Variants in MARCO observed in about 807,000 individuals in gnomAD.
MARCO encodes the protein macrophage receptor with collagenous structure, also known as macrophage receptor MARCO.
Under a neutral mutation model 70.0 loss-of-function variants are expected in MARCO, and 72 were observed. That is an observed-to-expected ratio of 1.03 (90% CI 0.85 to 1.25). The LOEUF (loss-of-function observed/expected upper bound fraction) is 1.25, where lower values mean the gene tolerates loss of function less well. Ranked by LOEUF, MARCO falls within the 50% of genes most tolerant of loss-of-function variation. MARCO has a pLI of 0.00. For synonymous variants in MARCO, 273 were observed against 243.1 expected, an observed-to-expected ratio of 1.12 and a Z score of -1.14; for missense variants, 696 against 659.3, an observed-to-expected ratio of 1.06 and a Z score of -0.61.
At chr2:118,961,184 G>A (rs111453993) in intron 1 of MARCO, among the ~76,000 whole-genome samples, 2,530 of 152,240 alleles carry the variant, frequency 0.017, 65 homozygotes, top group African/African-American at 0.056. Flanking sequence ...ATTGTGAAGA[G>A]TGCTGCAATG....
At chr2:118,990,707 G>T in intron 13 of MARCO, 74 bp downstream of exon 13, 1 of 1,436,418 alleles carries the variant, frequency 7.0e-7, no homozygotes, top group African/African-American at 1.4e-5. Context: ...GGCAGGTCTT[G>T]TTGACATTGA....
chr2:118,979,557 CCT>C (rs1188836457), intron 8 of MARCO, among the ~76,000 whole-genome samples: 2 of 152,170 alleles, frequency 1.3e-5, no homozygotes, highest in African/African-American at 4.8e-5. Context: ...AGAGAAGGGG[CCT>C]CAGCCAGGTC....
chr2:118,976,021 C>A (rs1680276333), intron 6 of MARCO, among the ~76,000 whole-genome samples: 1 of 152,096 alleles, frequency 6.6e-6, no homozygotes, highest in African/African-American at 2.4e-5. Context: ...GAGAGGGACT[C>A]AGGCTAGGTG....
At position 118,990,624 on chromosome 2, in the gene MARCO, G is replaced by C; in HGVS notation, c.1099G>C (p.Gly367Arg). 1 of 1,564,842 alleles carries C rather than the reference G, an allele frequency of 6.4e-7. No homozygotes were observed. Among genetic ancestry groups the C allele is most frequent in the Non-Finnish European group, 8.7e-7 (1 of 1,148,032 alleles). Reference protein sequence around the residue: ...QGQQGRKGESGVPGPAGVKGE... With the variant: ...QGQQGRKGESRVPGPAGVKGE... ...ACAGCAAGGAAGAAAAGGAGAATCA[G>C]GAGTTCCAGGTAAAGGGCAGGCTGC... The change falls in exon 13 of 17, where the codon GGA becomes CGA. Residue 367 changes from glycine to arginine, a missense_variant. Coordinates refer to ENST00000327097, the MANE Select transcript of MARCO (RefSeq NM_006770.4).
At position 118,982,331 on chromosome 2, in the gene MARCO, T is replaced by A. The variant is rs1362687965; in HGVS notation, c.1001-17T>A. 6.8e-6 allele frequency: 11 copies of A among 1,613,686 alleles called. No individual in the cohort carries two copies. In the South Asian group the frequency reaches 1.2e-4, roughly 18 times the overall value. Reference sequence around the variant, plus strand: ...CCTAGTCCAGCCCTTATGCTCTCTGTGGTGTCTGTTGTCCAGGACTTCCAG... The same window carrying A: ...CCTAGTCCAGCCCTTATGCTCTCTGAGGTGTCTGTTGTCCAGGACTTCCAG... On this transcript the variant is annotated splice_polypyrimidine_tract_variant and intron_variant, in intron 11 of 16. Transcript: ENST00000327097.
At chr2:118,946,454 T>G (rs1482670472) in intron 1 of MARCO, among the ~76,000 whole-genome samples, 1 of 152,218 alleles carries the variant, frequency 6.6e-6, no homozygotes, top group Non-Finnish European at 1.5e-5. Context: ...TGATTTTTTT[T>G]TCACATAGTG....
In MARCO at chr2:118,986,523, G is replaced by A. The variant is rs576216731; in HGVS notation, c.1064-4066G>A. ...CAACAGAGTGAGACCCTGTCAAAAAGAAGAAAGAAAGAAAGAGAGAGAGAG... is the reference window on the plus strand; with the variant it reads ...CAACAGAGTGAGACCCTGTCAAAAAAAAGAAAGAAAGAAAGAGAGAGAGAG... On this transcript the variant is annotated intron_variant, in intron 12 of 16. Coordinates refer to ENST00000327097, the MANE Select transcript of MARCO (RefSeq NM_006770.4). 1.7e-3 allele frequency among the ~76,000 whole-genome samples: 182 copies of A among 107,508 alleles called. 3 individuals are homozygous for A. In the Middle Eastern group the frequency reaches 0.033, roughly 19 times the overall value. 70.5% of individuals were successfully genotyped at this position (107,508 alleles called of 152,430 possible).
chr2:118,958,041 A>G (rs1290428047), intron 1 of MARCO, among the ~76,000 whole-genome samples: 1 of 152,100 alleles, frequency 6.6e-6, no homozygotes, highest in Non-Finnish European at 1.5e-5. Flanking sequence ...CACAGACAAC[A>G]TAATACTGAA....
At chr2:118,967,797 T>C (rs1680080833) in intron 1 of MARCO, among the ~76,000 whole-genome samples, 1 of 152,090 alleles carries the variant, frequency 6.6e-6, no homozygotes, top group Non-Finnish European at 1.5e-5. Context: ...GTCACAATAG[T>C]TAAAACCCAC....
intron 1 of MARCO, among the ~76,000 whole-genome samples, chr2:118,958,642 G>C (rs1679882698): frequency 6.6e-6 from 1 of 151,888 alleles, no homozygotes; most frequent in South Asian, 2.1e-4. Flanking sequence ...TCTTCACAGA[G>C]TTAGAAAAAA....
intron 12 of MARCO, among the ~76,000 whole-genome samples, chr2:118,987,114 C>T (rs1372197259): frequency 2.6e-5 from 4 of 152,216 alleles, no homozygotes; most frequent in Non-Finnish European, 5.9e-5. Context: ...TAACTTAACA[C>T]ACATTTCTTG....
intron 12 of MARCO, among the ~76,000 whole-genome samples, chr2:118,984,318 C>A (rs1052597298): frequency 6.6e-6 from 1 of 152,206 alleles, no homozygotes; most frequent in Admixed American, 6.5e-5. Context: ...ACCCCACACC[C>A]ATTTTAGCAA....
intron 1 of MARCO, among the ~76,000 whole-genome samples, chr2:118,967,820 C>T (rs1680084376): frequency 6.6e-6 from 1 of 152,188 alleles, no homozygotes; most frequent in Non-Finnish European, 1.5e-5. Flanking sequence ...GCCCCTATCA[C>T]AAAAGCAAAC....
chr2:118,950,830 C>G (rs937151843), intron 1 of MARCO, among the ~76,000 whole-genome samples: 4 of 151,332 alleles, frequency 2.6e-5, no homozygotes, highest in Non-Finnish European at 5.9e-5. Flanking sequence ...GATAGCCATT[C>G]TTTTCCAAAG....
chr2:118,990,725 G>C, intron 13 of MARCO, 92 bp downstream of exon 13: 1 of 1,250,236 alleles, frequency 8.0e-7, no homozygotes, highest in Non-Finnish European at 1.2e-6. Context: ...TGAATGCACA[G>C]CTGTGACCTT....
At chr2:118,948,219 G>A (rs182761508) in intron 1 of MARCO, among the ~76,000 whole-genome samples, 2 of 152,298 alleles carry the variant, frequency 1.3e-5, no homozygotes, top group Admixed American at 1.3e-4. Context: ...TGGAACAATG[G>A]CAAGACCACA....
At chr2:118,990,690 C>T in intron 13 of MARCO, 57 bp downstream of exon 13, 2 of 1,545,848 alleles carry the variant, frequency 1.3e-6, no homozygotes, top group Non-Finnish European at 1.8e-6. Context: ...GGCCTGCCTT[C>T]TCAGAGGGCA....
chr2:118,981,343 A>C (rs1680384367), intron 8 of MARCO, 66 bp from the exon 9 acceptor site: 4 of 1,000,354 alleles, frequency 4.0e-6, no homozygotes, highest in Non-Finnish European at 6.1e-6. Flanking sequence ...GGGAAGTGTC[A>C]GAGGAGGACA....
intron 16 of MARCO, 78 bp downstream of exon 16, chr2:118,993,378 G>A (rs1242290970): frequency 5.7e-6 from 8 of 1,408,402 alleles, no homozygotes; most frequent in African/African-American, 1.4e-5. Flanking sequence ...GTGTTGGCAA[G>A]TGACTCAGTG....
Sources: allele counts gnomAD v4.1 joint callset (sites outside exome capture counted in the v4.1 genomes callset), GRCh38; gene constraint gnomAD v4.1.1; transcripts MANE v1.5; gene names NCBI Gene and HGNC (gene_info 2026-07-23, HGNC 2026-07-21).